The following MYLK variants were observed in gnomAD, a reference collection of about 807,000 sequenced individuals.
MYLK encodes myosin light chain kinase, also known as myosin light chain kinase, smooth muscle.
A neutral mutation model predicts 203.4 loss-of-function variants in MYLK; 106 were observed. The observed-to-expected ratio is 0.52, with a 90% CI of 0.45 to 0.61. The LOEUF (loss-of-function observed/expected upper bound fraction) is 0.61, where lower values mean the gene tolerates loss of function less well. Among genes scored for constraint, MYLK ranks in the 20% least tolerant of loss-of-function variants. The pLI is 0.00. For synonymous variants in MYLK, 867 were observed against 959.5 expected, an observed-to-expected ratio of 0.90 and a Z score of 1.78; for missense variants, 2,072 against 2,442.3, an observed-to-expected ratio of 0.85 and a Z score of 3.20.
intron 4 of MYLK, among the ~76,000 whole-genome samples, chr3:123,782,468 T>A (rs988944935): frequency 1.3e-5 from 2 of 152,326 alleles, no homozygotes; most frequent in South Asian, 2.1e-4. Flanking sequence ...ATGAAAGTAG[T>A]GTCTTACTTA....
Position 123,612,142 on chromosome 3 carries a change from C to T in MYLK, c.*1963G>A, listed in dbSNP as rs1206957483. 2 of 152,644 alleles carry T rather than the reference C, an allele frequency of 1.3e-5. No homozygotes were observed. The highest frequency in any genetic ancestry group is 2.9e-5 in the Non-Finnish European group (2 of 68,038). 9.5% of individuals were successfully genotyped at this position (152,644 alleles called of 1,614,324 possible). A position where few individuals can be genotyped will look rare whatever the true frequency, so the allele number is the denominator to read the frequency against. On this transcript the variant is annotated 3_prime_UTR_variant, in exon 34 of 34. Coordinates refer to ENST00000360304, the MANE Select transcript of MYLK (RefSeq NM_053025.4). ...GTGTAAATTCGGCTACCTATATAAA[C>T]AAGAACTTCCTAAATCATTCTGTTC...
In MYLK at chr3:123,708,012, T is replaced by C; in HGVS notation, c.2141-9A>G. ...GGTGCCATCGTGAGGCTCTGGAAAT[T>C]GGCAAAGGGCAGAGCTAAACAGGGA... On this transcript the variant is annotated splice_polypyrimidine_tract_variant and intron_variant, in intron 15 of 33. Transcript: ENST00000360304. The C allele has an allele frequency of 1.9e-6, 3 of 1,613,952 alleles. No individual in the cohort carries two copies. The highest frequency in any genetic ancestry group is 2.2e-5 in the South Asian group (2 of 91,022).
At chr3:123,831,355 A>T (rs2682213) in intron 3 of MYLK, 193 bp downstream of exon 3, 1 of 1,286,636 alleles carries the variant, frequency 7.8e-7, no homozygotes, top group African/African-American at 1.5e-5. Flanking sequence ...GCTAAGCCAA[A>T]ATCAACAGAC....
chr3:123,709,229 C>T, intron 14 of MYLK: 1 of 217,864 alleles, frequency 4.6e-6, no homozygotes, highest in Admixed American at 5.2e-5. Context: ...CAAGCTCCAC[C>T]TCCCAGGTTC....
At chr3:123,790,583 C>A (rs2064741231) in intron 4 of MYLK, among the ~76,000 whole-genome samples, 1 of 152,118 alleles carries the variant, frequency 6.6e-6, no homozygotes, top group South Asian at 2.1e-4. Flanking sequence ...GAAAGAGGAG[C>A]TTTATTGAAG....
In MYLK at chr3:123,709,695, T is replaced by C. The variant is rs199840272; in HGVS notation, c.1942+61A>G. 8.7e-6 allele frequency: 14 copies of C among 1,607,370 alleles called. No individual in the cohort carries two copies. The Admixed American group carries it at 1.5e-4, about 17-fold the overall frequency. On this transcript the variant is annotated intron_variant, in intron 14 of 33. Transcript: ENST00000360304. ...ATCTGAGCGGGTCCTCGGAGAGCAA[T>C]ACCCATTGCAACCAAGACCATTTTC...
At chr3:123,627,196 T>G (rs1441221291) in intron 30 of MYLK, among the ~76,000 whole-genome samples, 1 of 152,204 alleles carries the variant, frequency 6.6e-6, no homozygotes, top group African/African-American at 2.4e-5. Flanking sequence ...CTGGGCTCCA[T>G]GGCCTGCTCT....
chr3:123,795,565 C>A (rs1037017936), intron 3 of MYLK, among the ~76,000 whole-genome samples: 6 of 152,098 alleles, frequency 3.9e-5, no homozygotes, highest in Admixed American at 3.3e-4. Flanking sequence ...TCTGAAGAAC[C>A]AGGCTGGGAA....
At chr3:123,803,973 G>A (rs2065282918) in intron 3 of MYLK, among the ~76,000 whole-genome samples, 1 of 152,238 alleles carries the variant, frequency 6.6e-6, no homozygotes, top group Non-Finnish European at 1.5e-5. Context: ...GAGAAAAAGA[G>A]AGAACTAATA....
At chr3:123,638,961 G>T in intron 28 of MYLK, 1 of 985,462 alleles carries the variant, frequency 1.0e-6, no homozygotes, top group Non-Finnish European at 1.2e-6. Context: ...GCATTTAACA[G>T]CCCTCAGATG....
At chr3:123,714,116 G>T (rs963430198) in intron 13 of MYLK, among the ~76,000 whole-genome samples, 10 of 152,170 alleles carry the variant, frequency 6.6e-5, no homozygotes, top group African/African-American at 2.4e-4. Flanking sequence ...GATTCCAAAA[G>T]ATGTTCATAG....
intron 4 of MYLK, among the ~76,000 whole-genome samples, chr3:123,792,118 G>A (rs2064805159): frequency 6.6e-6 from 1 of 152,176 alleles, no homozygotes. Flanking sequence ...TCAAGGCATG[G>A]TTCTTTCATG....
At chr3:123,785,942 A>C (rs2064497514) in intron 4 of MYLK, among the ~76,000 whole-genome samples, 1 of 152,234 alleles carries the variant, frequency 6.6e-6, no homozygotes, top group Non-Finnish European at 1.5e-5. Context: ...TATCTTGAAC[A>C]GCTCACTCTC....
intron 13 of MYLK, chr3:123,715,728 C>G (rs1451881604): frequency 6.6e-6 from 1 of 152,174 alleles, no homozygotes; most frequent in Non-Finnish European, 1.5e-5. Flanking sequence ...CAGGATCTGC[C>G]ATCTCCTTCT....
At chr3:123,850,706 C>T (rs916531667) in intron 2 of MYLK, among the ~76,000 whole-genome samples, 1 of 152,166 alleles carries the variant, frequency 6.6e-6, no homozygotes, top group Non-Finnish European at 1.5e-5. Context: ...CCTGTTCACT[C>T]TGATGGTAGT....
At chr3:123,830,937 G>T (rs151315154) in intron 3 of MYLK, among the ~76,000 whole-genome samples, 1 of 152,232 alleles carries the variant, frequency 6.6e-6, no homozygotes, top group African/African-American at 2.4e-5. Context: ...CACTGTCTTT[G>T]TTAAACAGGC....
At chr3:123,861,910 C>T (rs2031960545) in intron 2 of MYLK, among the ~76,000 whole-genome samples, 1 of 152,188 alleles carries the variant, frequency 6.6e-6, no homozygotes, top group African/African-American at 2.4e-5. Context: ...GCCATCTGGG[C>T]AACAATACAC....
At chr3:123,622,051 C>T (rs939306903) in intron 31 of MYLK, 2 of 152,036 alleles carry the variant, frequency 1.3e-5, no homozygotes, top group Admixed American at 6.6e-5. Context: ...AGAGAGAGAC[C>T]CAGCTCTTCC....
intron 3 of MYLK, among the ~76,000 whole-genome samples, chr3:123,815,614 G>T (rs2065722199): frequency 6.6e-6 from 1 of 152,064 alleles, no homozygotes; most frequent in South Asian, 2.1e-4. Context: ...CCACCCAGCA[G>T]GATCTAAGAG....
Sources: allele counts gnomAD v4.1 joint callset (sites outside exome capture counted in the v4.1 genomes callset), GRCh38; gene constraint gnomAD v4.1.1; transcripts MANE v1.5; gene names NCBI Gene and HGNC (gene_info 2026-07-23, HGNC 2026-07-21).